Variants in PPFIBP2 observed in about 807,000 individuals in gnomAD.
PPFIBP2 encodes liprin-beta-2.
A neutral mutation model predicts 118.3 loss-of-function variants in PPFIBP2; 118 were observed. That is an observed-to-expected ratio of 1.00 (90% CI 0.86 to 1.16). The LOEUF is 1.16. PPFIBP2 is among the 50% of genes most tolerant of loss of function. The pLI, the probability that PPFIBP2 is intolerant of heterozygous loss-of-function variation, is 0.00. For missense variants in PPFIBP2, 1,195 were observed against 1,073.1 expected (o/e 1.11, Z -1.59); for synonymous variants, 414 against 397.4 (o/e 1.04, Z -0.50).
At chr11:7,603,939 T>A (rs781753749) in intron 5 of PPFIBP2, among the ~76,000 whole-genome samples, 6 of 152,164 alleles carry the variant, frequency 3.9e-5, no homozygotes, top group Non-Finnish European at 8.8e-5. Flanking sequence ...CTGTGAAGCC[T>A]TTGCCCCTTA....
rs944809905 is a variant in PPFIBP2 at position 7,653,341 on chromosome 11, G to A, written c.*123G>A. 6.7e-6 allele frequency: 10 copies of A among 1,499,966 alleles called. No homozygotes were observed. The African/African-American group carries it at 1.4e-4, about 21-fold the overall frequency. The allele number at this position is 1,499,966 out of a possible 1,614,324, so 92.9% of individuals were successfully genotyped here. Reference sequence around the variant, plus strand: ...TCGCAGAGAATATTCCAGCAATTGTGTACCCCTGGGCCAGTCTCTTTGAAC... The same window carrying A: ...TCGCAGAGAATATTCCAGCAATTGTATACCCCTGGGCCAGTCTCTTTGAAC... On this transcript the variant is annotated 3_prime_UTR_variant, in exon 24 of 24. Transcript: ENST00000299492.
At chr11:7,644,821 A>C (rs1378203430) in intron 17 of PPFIBP2, among the ~76,000 whole-genome samples, 2 of 151,670 alleles carry the variant, frequency 1.3e-5, no homozygotes, top group African/African-American at 4.8e-5. Flanking sequence ...AGGTCAGGAG[A>C]TCGAGACCAT....
chr11:7,652,069 A>G (rs985025752), intron 23 of PPFIBP2, among the ~76,000 whole-genome samples: 1 of 152,266 alleles, frequency 6.6e-6, no homozygotes, highest in African/African-American at 2.4e-5. Flanking sequence ...TTACCTAGAA[A>G]ATATGTGCAG....
chr11:7,622,645 A>G (rs944311871), intron 7 of PPFIBP2, among the ~76,000 whole-genome samples: 5 of 152,166 alleles, frequency 3.3e-5, no homozygotes, highest in Admixed American at 1.3e-4. Flanking sequence ...CTTTCCCAAG[A>G]TTTTACAGCT....
At chr11:7,629,097 G>T (rs566974275) in intron 9 of PPFIBP2, among the ~76,000 whole-genome samples, 1 of 152,204 alleles carries the variant, frequency 6.6e-6, no homozygotes, top group South Asian at 2.1e-4. Context: ...AAATATGACA[G>T]CTTTATTTTA....
the PPFIBP2 span, chr11:7,665,055 T>G: frequency 5.0e-6 from 1 of 200,342 alleles, no homozygotes; most frequent in Non-Finnish European, 1.0e-5. Flanking sequence ...GGCCACGGCC[T>G]CCTGACTGCC....
Position 7,565,599 on chromosome 11 carries a change from A to G in PPFIBP2, c.111A>G (p.Gly37=), listed in dbSNP as rs1158753951. Reference sequence around the variant, plus strand: ...TTAGTGATGGTACTTGTGAGCCTGGACTGGCTTCCCCGGCCTCCTACATGA... The same window carrying G: ...TTAGTGATGGTACTTGTGAGCCTGGGCTGGCTTCCCCGGCCTCCTACATGA... ...ADLSDGTCEP[G]LASPASYMNP... Residue 37 remains glycine (G), a synonymous_variant, in exon 3 of 24, where the codon GGA becomes GGG. Coordinates refer to ENST00000299492, the MANE Select transcript of PPFIBP2 (RefSeq NM_003621.5). The G allele has an allele frequency of 1.9e-6, 3 of 1,614,068 alleles. No homozygotes were observed. The highest frequency in any genetic ancestry group is 2.5e-6 in the Non-Finnish European group (3 of 1,180,026).
At chr11:7,569,508 G>A (rs1855413861) in intron 3 of PPFIBP2, among the ~76,000 whole-genome samples, 1 of 152,194 alleles carries the variant, frequency 6.6e-6, no homozygotes, top group African/African-American at 2.4e-5. Context: ...ATACCCTCTG[G>A]GGCCTCAGTG....
At chr11:7,648,166 A>C (rs1434381813) in intron 17 of PPFIBP2, 3 of 494,522 alleles carry the variant, frequency 6.1e-6, no homozygotes, top group Non-Finnish European at 1.1e-5. Context: ...TGAGATTTGA[A>C]ATTCAGATCT....
intron 5 of PPFIBP2, among the ~76,000 whole-genome samples, chr11:7,601,461 C>T (rs1386045972): frequency 6.6e-6 from 1 of 152,154 alleles, no homozygotes; most frequent in Non-Finnish European, 1.5e-5. Context: ...AACATGATAG[C>T]TACAAGCATC....
At chr11:7,541,666 G>A (rs1851796657) in intron 1 of PPFIBP2, among the ~76,000 whole-genome samples, 1 of 152,124 alleles carries the variant, frequency 6.6e-6, no homozygotes. Context: ...TCTTTATGAA[G>A]ATGCCTCCCA....
At chr11:7,663,918 C>T in the PPFIBP2 span, among the ~76,000 whole-genome samples, 7 of 152,154 alleles carry the variant, frequency 4.6e-5, no homozygotes, top group Non-Finnish European at 5.9e-5. Flanking sequence ...TTTCCAGGTG[C>T]GTCCGTCACC....
At position 7,540,858 on chromosome 11, in the gene PPFIBP2, C is replaced by T. The variant is rs114420889; in HGVS notation, c.-36-8582C>T. Among the ~76,000 whole-genome samples, 529 of 152,256 alleles carry T rather than the reference C, an allele frequency of 3.5e-3. 5 individuals are homozygous for T. The highest frequency in any genetic ancestry group is 0.012 in the African/African-American group (513 of 41,548). ...TGGCTTGATGGGAATTTAGCAGGGA[C>T]AGCTGTAGGCATGGGCATAAAAGCT... On this transcript the variant is annotated intron_variant, in intron 1 of 23. Coordinates refer to ENST00000299492, the MANE Select transcript of PPFIBP2 (RefSeq NM_003621.5).
At position 7,629,461 on chromosome 11, in the gene PPFIBP2, C is replaced by T. The variant is rs1459082242; in HGVS notation, c.891C>T (p.Asp297=). ...ETLLLANEDK[D]RRIEELTGLL... ...AATCTCTACTTGCACTATGGCAGGA[C>T]CGTCGGATAGAGGAGCTTACGGGGC... Residue 297 remains aspartate, a splice_region_variant and synonymous_variant, in exon 10 of 24, where the codon GAC becomes GAT. Coordinates refer to ENST00000299492, the MANE Select transcript of PPFIBP2 (RefSeq NM_003621.5). 3.1e-6 allele frequency: 5 copies of T among 1,613,926 alleles called. No homozygotes were observed. Among genetic ancestry groups the T allele is most frequent in the African/African-American group, 2.7e-5 (2 of 75,040 alleles).
At chr11:7,649,295 C>A in intron 20 of PPFIBP2, 60 bp downstream of exon 20, 1 of 1,444,064 alleles carries the variant, frequency 6.9e-7, no homozygotes, top group Non-Finnish European at 9.7e-7. Flanking sequence ...TCACGTGTAC[C>A]CATGGTGGTT....
chr11:7,541,766 C>T (rs1851808000), intron 1 of PPFIBP2, among the ~76,000 whole-genome samples: 1 of 152,160 alleles, frequency 6.6e-6, no homozygotes, highest in Non-Finnish European at 1.5e-5. Flanking sequence ...TGTCTATAGG[C>T]CTCTTAAGCT....
chr11:7,602,016 C>G (rs1846699168), intron 5 of PPFIBP2, among the ~76,000 whole-genome samples: 1 of 150,356 alleles, frequency 6.7e-6, no homozygotes, highest in Admixed American at 6.6e-5. Context: ...TCGCTGGAAC[C>G]CGAGAGACGG....
intron 1 of PPFIBP2, among the ~76,000 whole-genome samples, chr11:7,519,492 C>T (rs899689645): frequency 2.0e-5 from 3 of 152,080 alleles, no homozygotes; most frequent in African/African-American, 4.8e-5. Flanking sequence ...CCATTTGGAC[C>T]GTTATCTAAT....
rs74503103 is a variant in PPFIBP2 at position 7,587,352 on chromosome 11, A to G, written c.280-5780A>G. Among the ~76,000 whole-genome samples the G allele has an allele frequency of 7.3e-3, 1,116 of 152,338 alleles. 12 individuals are homozygous for G. Among genetic ancestry groups the G allele is most frequent in the African/African-American group, 0.026 (1,069 of 41,594 alleles). On this transcript the variant is annotated intron_variant, in intron 3 of 23. Coordinates refer to ENST00000299492, the MANE Select transcript of PPFIBP2 (RefSeq NM_003621.5). The stretch of plus-strand genomic sequence containing the variant: ...AAAAATTGCCACTTTAAGCAAATCA[A>G]GCAATAGTGGCAGAATTCCTTTGCA...
Sources: gnomAD v4.1 joint callset for allele counts (sites outside exome capture counted in the v4.1 genomes callset) on GRCh38, gnomAD v4.1.1 for gene constraint, MANE v1.5 for transcripts, NCBI Gene and HGNC (gene_info 2026-07-23, HGNC 2026-07-21) for gene names.